Variants in KCNH1 observed in about 807,000 individuals in gnomAD.
The protein encoded by KCNH1 is potassium voltage-gated channel subfamily H member 1.
In KCNH1, 27 loss-of-function variants were observed where a neutral mutation model predicts 69.2. The observed-to-expected ratio is 0.39, with a 90% CI of 0.29 to 0.54. The LOEUF is 0.54. Among genes scored for constraint, KCNH1 ranks in the 20% least tolerant of loss-of-function variants. KCNH1 has a pLI of 0.68. For missense variants in KCNH1, 798 were observed against 1,261.6 expected (o/e 0.63, Z 5.57); for synonymous variants, 456 against 487.7 (o/e 0.93, Z 0.86).
intron 7 of KCNH1, among the ~76,000 whole-genome samples, chr1:210,852,925 T>A (rs1685739223): frequency 6.6e-6 from 1 of 152,160 alleles, no homozygotes; most frequent in Admixed American, 6.5e-5. Flanking sequence ...TCACATCACA[T>A]CTTATCTGAG....
rs182332577 is a variant in KCNH1, at chr1:211,003,310, C to T, written c.1032+15473G>A. On this transcript the variant is annotated intron_variant, in intron 6 of 10. Transcript: ENST00000271751. Reference sequence around the variant, plus strand: ...AGGAGAAGAAAGGTCAATGAGATTACGGTATTTATTTCCCCAGGTGCCTCC... The same window carrying T: ...AGGAGAAGAAAGGTCAATGAGATTATGGTATTTATTTCCCCAGGTGCCTCC... Among the ~76,000 whole-genome samples the T allele has an allele frequency of 2.6e-5, 4 of 152,306 alleles. No individual in the cohort carries two copies. The East Asian group carries it at 5.8e-4, about 22-fold the overall frequency.
At chr1:210,907,584 G>A (rs1048810005) in intron 7 of KCNH1, among the ~76,000 whole-genome samples, 11 of 152,046 alleles carry the variant, frequency 7.2e-5, no homozygotes, top group African/African-American at 1.7e-4. Context: ...GCAGTATGAT[G>A]TGATCCTGTT....
intron 5 of KCNH1, among the ~76,000 whole-genome samples, chr1:211,039,107 G>C (rs1384065137): frequency 1.3e-5 from 2 of 152,182 alleles, no homozygotes; most frequent in East Asian, 3.9e-4. Flanking sequence ...GTGCAGCCTA[G>C]GAACTTGGTG....
At chr1:210,965,854 A>G (rs1182217561) in intron 6 of KCNH1, among the ~76,000 whole-genome samples, 1 of 152,118 alleles carries the variant, frequency 6.6e-6, no homozygotes, top group African/African-American at 2.4e-5. Context: ...GCTACCATTG[A>G]CTTTCTTCAC....
At chr1:210,823,868 T>TCACACCTCTCC (rs920439599) in intron 7 of KCNH1, among the ~76,000 whole-genome samples, 2 of 152,146 alleles carry the variant, frequency 1.3e-5, no homozygotes, top group African/African-American at 4.8e-5. Context: ...GCCTCATTTT[T>TCACACCTCTCC]CACACCTCTC....
intron 10 of KCNH1, among the ~76,000 whole-genome samples, chr1:210,728,039 T>G (rs1312996056): frequency 6.6e-6 from 1 of 152,236 alleles, no homozygotes; most frequent in East Asian, 1.9e-4. Flanking sequence ...AATTGATACT[T>G]GTTAAAATGC....
intron 7 of KCNH1, among the ~76,000 whole-genome samples, chr1:210,873,474 T>C (rs970431085): frequency 6.6e-6 from 1 of 152,122 alleles, no homozygotes; most frequent in African/African-American, 2.4e-5. Flanking sequence ...CAGCCTACCA[T>C]GTAGCTGGGA....
intron 10 of KCNH1, among the ~76,000 whole-genome samples, chr1:210,696,370 G>A (rs981293143): frequency 2.0e-5 from 3 of 152,158 alleles, no homozygotes; most frequent in Non-Finnish European, 2.9e-5. Context: ...ATCCCTGGGT[G>A]TCCTCAGCAT....
chr1:210,871,812 A>G (rs1686255117), intron 7 of KCNH1, among the ~76,000 whole-genome samples: 1 of 148,762 alleles, frequency 6.7e-6, no homozygotes, highest in African/African-American at 2.5e-5. Flanking sequence ...ACAAAAAACC[A>G]AACACCGCAT....
chr1:210,778,454 C>A (rs529418459), intron 9 of KCNH1, among the ~76,000 whole-genome samples: 14 of 150,506 alleles, frequency 9.3e-5, no homozygotes, highest in Non-Finnish European at 1.9e-4. Flanking sequence ...ACCCAGGAAT[C>A]CAGGAGTTTG....
chr1:210,890,590 C>T (rs1359178327), intron 7 of KCNH1, among the ~76,000 whole-genome samples: 1 of 152,024 alleles, frequency 6.6e-6, no homozygotes. Flanking sequence ...AAGGAACTAT[C>T]ATCAGAGTGA....
At chr1:210,769,744 G>T (rs546202668) in intron 10 of KCNH1, among the ~76,000 whole-genome samples, 38 of 152,306 alleles carry the variant, frequency 2.5e-4, no homozygotes, top group South Asian at 1.4e-3. Context: ...GCAGGAGAAC[G>T]TAATTCCCTA....
chr1:210,943,442 G>A (rs569893860), intron 6 of KCNH1, among the ~76,000 whole-genome samples: 2 of 152,040 alleles, frequency 1.3e-5, no homozygotes, highest in Non-Finnish European at 2.9e-5. Flanking sequence ...TCTGCCTCCC[G>A]GGTTCAGGCC....
intron 10 of KCNH1, among the ~76,000 whole-genome samples, chr1:210,724,073 C>G (rs900340727): frequency 2.0e-5 from 3 of 152,178 alleles, no homozygotes; most frequent in Non-Finnish European, 4.4e-5. Flanking sequence ...TAGTAGTCAT[C>G]ATTTACTGAA....
chr1:210,708,234 G>A (rs953378844), intron 10 of KCNH1, among the ~76,000 whole-genome samples: 1 of 132,048 alleles, frequency 7.6e-6, no homozygotes, highest in African/African-American at 3.8e-5. Context: ...CCCATTGTTG[G>A]TTCAGACTTT....
intron 5 of KCNH1, among the ~76,000 whole-genome samples, chr1:211,025,000 C>T (rs1319615290): frequency 1.3e-5 from 2 of 152,174 alleles, no homozygotes; most frequent in Admixed American, 6.5e-5. Flanking sequence ...TTCCACATCA[C>T]GGTTACATTT....
chr1:210,890,667 G>A (rs956601910), intron 7 of KCNH1, among the ~76,000 whole-genome samples: 6 of 151,686 alleles, frequency 4.0e-5, no homozygotes, highest in Admixed American at 6.6e-5. Context: ...ATAATACCCA[G>A]GATCTACAAG....
intron 7 of KCNH1, among the ~76,000 whole-genome samples, chr1:210,891,509 T>G (rs545715442): frequency 2.6e-5 from 4 of 151,406 alleles, no homozygotes; most frequent in Non-Finnish European, 5.9e-5. Context: ...CTGCACATTG[T>G]GCACACATAC....
At chr1:210,917,276 A>G (rs1687364287) in intron 7 of KCNH1, among the ~76,000 whole-genome samples, 3 of 142,390 alleles carry the variant, frequency 2.1e-5, no homozygotes. Context: ...AGAAAGAAAG[A>G]AAGAAAAGAA....
Sources: gnomAD v4.1 joint callset for allele counts (sites outside exome capture counted in the v4.1 genomes callset) on GRCh38, gnomAD v4.1.1 for gene constraint, MANE v1.5 for transcripts, NCBI Gene and HGNC (gene_info 2026-07-23, HGNC 2026-07-21) for gene names.